ZNF280A: variants seen among roughly 807,000 people sequenced by gnomAD.
The protein encoded by ZNF280A is suppressor of hairy wing homolog 1.
ZNF280A carries 26 observed loss-of-function variants against 35.9 expected under a neutral mutation model. The observed-to-expected ratio is 0.72, with a 90% CI of 0.53 to 1.01. ZNF280A has a LOEUF of 1.01. Ranked by LOEUF, ZNF280A falls within the 50% of genes least tolerant of loss-of-function variation. The pLI, the probability that ZNF280A is intolerant of heterozygous loss-of-function variation, is 0.00. For synonymous variants in ZNF280A, 231 were observed against 232.9 expected, an observed-to-expected ratio of 0.99 and a Z score of 0.07; for missense variants, 654 against 652.0, an observed-to-expected ratio of 1.00 and a Z score of -0.03.
At chr22:22,519,364 C>T (rs1056595212) in intron 1 of ZNF280A, among the ~76,000 whole-genome samples, 3 of 151,658 alleles carry the variant, frequency 2.0e-5, no homozygotes, top group South Asian at 4.2e-4. Context: ...ACCCGGGAGG[C>T]GTGGGTTGCA....
Position 22,514,183 on chromosome 22 carries a change from A to G in ZNF280A, c.1448T>C (p.Leu483Pro), listed in dbSNP as rs776879151. ...DHQTFKKPEQ[L>P]QGLPSETKVI... is the part of the protein sequence containing the mutation. ...TTTTGTTTCACTAGGCAACCCTTGC[A>G]GTTGCTCCGGCTTTTTAAATGTTTG... The change falls in exon 2 of 2, where the codon CTG becomes CCG. Residue 483 changes from leucine (L) to proline (P), a missense_variant. Physicochemically the swap from Leu to Pro is moderately conservative, Grantham distance 98. Coordinates refer to ENST00000302097, the MANE Select transcript of ZNF280A (RefSeq NM_080740.5). The G allele has an allele frequency of 6.2e-7, 1 of 1,613,818 alleles. No individual in the cohort carries two copies. Among genetic ancestry groups the G allele is most frequent in the East Asian group, 2.2e-5 (1 of 44,804 alleles).
At position 22,514,470 on chromosome 22, in the gene ZNF280A, A is replaced by G. The variant is rs768849311; in HGVS notation, c.1161T>C (p.His387=). The change falls in exon 2 of 2, where the codon CAT becomes CAC. Residue 387 remains histidine, a synonymous_variant. Coordinates refer to ENST00000302097, the MANE Select transcript of ZNF280A (RefSeq NM_080740.5). Reference sequence around the variant, plus strand: ...ACACATAAGGCATTTCGCCAGGCTTATGATGGTCCTTCATGTGTTGTAAGA... The same window carrying G: ...ACACATAAGGCATTTCGCCAGGCTTGTGATGGTCCTTCATGTGTTGTAAGA... ...QVLLQHMKDH[H]KPGEMPYVCQ... The G allele has an allele frequency of 1.2e-6, 2 of 1,613,960 alleles. No homozygotes were observed. Among genetic ancestry groups the G allele is most frequent in the Non-Finnish European group, 1.7e-6 (2 of 1,179,994 alleles).
chr22:22,518,214 T>C (rs1345359672), intron 1 of ZNF280A, among the ~76,000 whole-genome samples: 1 of 151,852 alleles, frequency 6.6e-6, no homozygotes, highest in Admixed American at 6.6e-5. Context: ...CATGAGCCAC[T>C]GTGCCCGGCC....
Position 22,514,282 on chromosome 22 carries a change from A to G in ZNF280A, c.1349T>C (p.Val450Ala). 6.2e-7 allele frequency: 1 copy of G among 1,613,802 alleles called. No homozygotes were observed. Among genetic ancestry groups the G allele is most frequent in the Non-Finnish European group, 8.5e-7 (1 of 1,179,970 alleles). The change falls in exon 2 of 2, where the codon GTC (valine) becomes GCC (alanine). Residue 450 changes from valine (V) to alanine (A), a missense_variant. By Grantham distance (64) the Val-to-Ala change is moderately conservative (BLOSUM62 0). Coordinates refer to ENST00000302097, the MANE Select transcript of ZNF280A (RefSeq NM_080740.5). ...NHCWRHSRRR[V>A]LQCSKCRLQF... ...TAGCCGGCACTTGGAACACTGAAGG[A>G]CCCTCCTTCTGCTGTGCCTCCAACA...
At chr22:22,518,604 A>G (rs1436855973) in intron 1 of ZNF280A, among the ~76,000 whole-genome samples, 1 of 151,602 alleles carries the variant, frequency 6.6e-6, no homozygotes, top group South Asian at 2.1e-4. Flanking sequence ...CCTGGCCAAC[A>G]TGGTGAAACC....
At position 22,515,514 on chromosome 22, in the gene ZNF280A, A is replaced by G. The variant is rs1484630656; in HGVS notation, c.117T>C (p.His39=). The part of the protein sequence containing the change: ...DPDLIYVGVE[H]VHRDAEVLFV... ...AGAGAACTTCAGCATCTCTATGTAC[A>G]TGCTCCACCCCAACATAGATCAGAT... Residue 39 remains histidine (H), a synonymous_variant, in exon 2 of 2, where the codon CAT becomes CAC. Transcript: ENST00000302097. 10 of 1,613,882 alleles carry G rather than the reference A, an allele frequency of 6.2e-6. No homozygotes were observed. The highest frequency in any genetic ancestry group is 8.5e-6 in the Non-Finnish European group (10 of 1,179,972).
At position 22,514,139 on chromosome 22, in the gene ZNF280A, C is replaced by A. The variant is rs756770900; in HGVS notation, c.1492G>T (p.Val498Phe). The A allele has an allele frequency of 1.9e-6, 3 of 1,613,934 alleles. No individual in the cohort carries two copies. The highest frequency in any genetic ancestry group is 2.5e-6 in the Non-Finnish European group (3 of 1,179,984). The change falls in exon 2 of 2, where the codon GTT becomes TTT. Residue 498 changes from valine to phenylalanine, a missense_variant. Transcript: ENST00000302097. ...GCCATACCACTTGATCCTGGCTGAA[C>A]TGAAGTTTGAATAATAACTTTTGTT... ...SETKVIIQTS[V>F]QPGSSGMASV...
intron 1 of ZNF280A, among the ~76,000 whole-genome samples, chr22:22,519,246 C>T (rs1195721208): frequency 6.6e-6 from 1 of 151,700 alleles, no homozygotes; most frequent in Non-Finnish European, 1.5e-5. Flanking sequence ...CCAGCCTGGC[C>T]AACATGGTGA....
Position 22,514,300 on chromosome 22 carries a change from C to T in ZNF280A, c.1331G>A (p.Arg444Lys). The T allele has an allele frequency of 6.2e-7, 1 of 1,613,930 alleles. No individual in the cohort carries two copies. The highest frequency in any genetic ancestry group is 8.5e-7 in the Non-Finnish European group (1 of 1,179,992). ...CTGAAGGACCCTCCTTCTGCTGTGC[C>T]TCCAACAATGATTCATGTATGGTAT... is the stretch of plus-strand genomic sequence containing the variant. Reference protein sequence around the residue: ...TAIPYMNHCWRHSRRRVLQCS... With the variant: ...TAIPYMNHCWKHSRRRVLQCS... The change falls in exon 2 of 2, where the codon AGG (arginine) becomes AAG (lysine). Residue 444 changes from arginine (R) to lysine (K), a missense_variant. Transcript: ENST00000302097.
In ZNF280A at chr22:22,515,325, C is replaced by G. The variant is rs361721; in HGVS notation, c.306G>C (p.Pro102=). The G allele has an allele frequency of 0.28, 457,731 of 1,613,400 alleles. 68,884 individuals are homozygous for G. The highest frequency in any genetic ancestry group is 0.51 in the East Asian group (23,043 of 44,746). The change falls in exon 2 of 2, where the codon CCG becomes CCC. Residue 102 remains proline, a synonymous_variant. Transcript: ENST00000302097. ...HVTSMAKAIM[P]VSLSEGRSTD... ...TCGATCGCCCCTCAGACAGAGAAAC[C>G]GGCATGATGGCTTTTGCCATAGAGG... is the stretch of plus-strand genomic sequence containing the variant.
chr22:22,515,721 A>C lies in ZNF280A; in HGVS notation c.-71-20T>G. 3 of 1,502,644 alleles carry C rather than the reference A, an allele frequency of 2.0e-6. No homozygotes were observed. In the South Asian group the frequency reaches 4.2e-5, roughly 21 times the overall value. The allele number at this position is 1,502,644 out of a possible 1,614,324, so 93.1% of individuals were successfully genotyped here. ...TGCCACCTAAGTGCAACCATGTGAC[A>C]ATAGTCAATATTTATTTCGAAAGAC... On this transcript the variant is annotated intron_variant, in intron 1 of 1. Coordinates refer to ENST00000302097, the MANE Select transcript of ZNF280A (RefSeq NM_080740.5).
At chr22:22,516,005 G>T (rs1015413130) in intron 1 of ZNF280A, among the ~76,000 whole-genome samples, 1 of 151,592 alleles carries the variant, frequency 6.6e-6, no homozygotes, top group Non-Finnish European at 1.5e-5. Context: ...CATCCCACAG[G>T]TACTCTCTCA....
In ZNF280A at chr22:22,520,080, T is replaced by C. The variant is rs1409007438; in HGVS notation, c.-72+9A>G. On this transcript the variant is annotated intron_variant, in intron 1 of 1. Coordinates refer to ENST00000302097, the MANE Select transcript of ZNF280A (RefSeq NM_080740.5). ...AGCAAAATGAAAGATAGCAAATTTCTCAGCTCACCAGTTCCTAAAGTTGCG... is the reference window on the plus strand; with the variant it reads ...AGCAAAATGAAAGATAGCAAATTTCCCAGCTCACCAGTTCCTAAAGTTGCG... 1 of 152,002 alleles carries C rather than the reference T, an allele frequency of 6.6e-6. No individual in the cohort carries two copies. The allele number at this position is 152,002 out of a possible 1,614,324, so 9.4% of individuals were successfully genotyped here. A position where few individuals can be genotyped will look rare whatever the true frequency, so the allele number is the denominator to read the frequency against.
chr22:22,515,589 C>T lies in ZNF280A; in HGVS notation c.42G>A (p.Lys14=), dbSNP rs141555487. The T allele has an allele frequency of 6.1e-4, 976 of 1,604,106 alleles. No homozygotes were observed. The highest frequency in any genetic ancestry group is 7.8e-4 in the Non-Finnish European group (913 of 1,177,484). The change falls in exon 2 of 2, where the codon AAG becomes AAA. Residue 14 remains lysine, a synonymous_variant. Coordinates refer to ENST00000302097, the MANE Select transcript of ZNF280A (RefSeq NM_080740.5). ...IFLCKKVESP[K]KNLRESKQRE... ...TTTGTTTGGATTCTCTCAAATTCTT[C>T]TTTGGTGATTCCACTTTCTTACACA...
In ZNF280A at chr22:22,518,257, C is replaced by A. The variant is rs116164849; in HGVS notation, c.-72+1832G>T. 8.7e-3 allele frequency among the ~76,000 whole-genome samples: 1,315 copies of A among 151,858 alleles called. 30 individuals carry two copies. The highest frequency in any genetic ancestry group is 0.03 in the African/African-American group (1,243 of 41,444). ...GGCATCTTATAGTCAGTGAAAAATC[C>A]TATTTCTTTTTGTAAGCTGACAGCA... is the stretch of plus-strand genomic sequence containing the variant. On this transcript the variant is annotated intron_variant, in intron 1 of 1. Coordinates refer to ENST00000302097, the MANE Select transcript of ZNF280A (RefSeq NM_080740.5).
At chr22:22,517,350 A>G (rs1371763904) in intron 1 of ZNF280A, among the ~76,000 whole-genome samples, 1 of 152,034 alleles carries the variant, frequency 6.6e-6, no homozygotes, top group Non-Finnish European at 1.5e-5. Context: ...TTATAGAGCA[A>G]TGTCTGTCAT....
rs187150794 is a variant in ZNF280A, at chr22:22,519,856, G to T, written c.-72+233C>A. ...AGAGCTTATCACACTACTCAGAAGGGCTGGCGACTTAAAATTTATGTATTG... is the reference window on the plus strand; with the variant it reads ...AGAGCTTATCACACTACTCAGAAGGTCTGGCGACTTAAAATTTATGTATTG... On this transcript the variant is annotated intron_variant, in intron 1 of 1. Transcript: ENST00000302097. Among the ~76,000 whole-genome samples the T allele has an allele frequency of 1.1e-4, 16 of 152,066 alleles. No individual in the cohort carries two copies. The East Asian group carries it at 3.1e-3, about 30-fold the overall frequency.
intron 1 of ZNF280A, among the ~76,000 whole-genome samples, chr22:22,518,081 T>A (rs1281229043): frequency 1.1e-4 from 17 of 151,682 alleles, no homozygotes; most frequent in Non-Finnish European, 1.9e-4. Flanking sequence ...GCCCGCCACC[T>A]CGCCCGGCTA....
At position 22,515,163 on chromosome 22, in the gene ZNF280A, T is replaced by C; in HGVS notation, c.468A>G (p.Gly156=). 6.2e-7 allele frequency: 1 copy of C among 1,613,896 alleles called. No individual in the cohort carries two copies. Among genetic ancestry groups the C allele is most frequent in the Non-Finnish European group, 8.5e-7 (1 of 1,179,970 alleles). The part of the protein sequence containing the change: ...QCLVGAMVSG[G]GRNESSPDSK... The stretch of plus-strand genomic sequence containing the variant: ...AATCAGGAGAACTCTCATTTCTGCC[T>C]CCTCCAGAGACCATAGCTCCAACTA... The change falls in exon 2 of 2, where the codon GGA becomes GGG. Residue 156 remains glycine, a synonymous_variant. Transcript: ENST00000302097.
Sources: allele counts gnomAD v4.1 joint callset (sites outside exome capture counted in the v4.1 genomes callset), GRCh38; gene constraint gnomAD v4.1.1; transcripts MANE v1.5; gene names NCBI Gene and HGNC (gene_info 2026-07-23, HGNC 2026-07-21).